The following TMPRSS9 variants were observed in gnomAD, a reference collection of about 807,000 sequenced individuals.
TMPRSS9 encodes the protein transmembrane protease serine 9.
TMPRSS9 carries 113 observed loss-of-function variants against 111.4 expected under a neutral mutation model. The ratio of observed to expected loss-of-function variants is 1.01; its 90% CI spans 0.87 to 1.19. TMPRSS9 has a LOEUF of 1.19. TMPRSS9 is among the 50% of genes most tolerant of loss of function. The pLI, the probability that TMPRSS9 is intolerant of heterozygous loss-of-function variation, is 0.00. For synonymous variants in TMPRSS9, 805 were observed against 659.1 expected, an observed-to-expected ratio of 1.22 and a Z score of -3.39; for missense variants, 1,803 against 1,513.1, an observed-to-expected ratio of 1.19 and a Z score of -3.18.
In TMPRSS9 at chr19:2,403,076, C is replaced by A. The variant is rs544979224; in HGVS notation, c.557-6C>A. The A allele has an allele frequency of 2.2e-5, 35 of 1,603,538 alleles. No homozygotes were observed. In the African/African-American group the frequency reaches 4.0e-4, roughly 18 times the overall value. On this transcript the variant is annotated splice_region_variant and splice_polypyrimidine_tract_variant and intron_variant, in intron 5 of 17. Transcript: ENST00000648592. Reference sequence around the variant, plus strand: ...GGTCAGAAAGTCGGTTCTTTTCTGTCCTCAGGCCGCTGTCCAGGGAACTCC... The same window carrying A: ...GGTCAGAAAGTCGGTTCTTTTCTGTACTCAGGCCGCTGTCCAGGGAACTCC...
chr19:2,382,045 T>C (rs895455158), intron 1 of TMPRSS9, among the ~76,000 whole-genome samples: 1 of 151,716 alleles, frequency 6.6e-6, no homozygotes, highest in Non-Finnish European at 1.5e-5. Context: ...TTTCACTATG[T>C]TGTCAGGCTG....
rs372121046 is a variant in TMPRSS9 at position 2,425,911 on chromosome 19, C to T, written c.3121-16C>T. On this transcript the variant is annotated splice_polypyrimidine_tract_variant and intron_variant, in intron 17 of 17. Transcript: ENST00000648592. ...AGGTACCGGCCTCTGAACCCCCTTT[C>T]TTCTCTCCCCAACAGGGTGACGCTG... The T allele has an allele frequency of 3.7e-5, 58 of 1,576,972 alleles. No individual in the cohort carries two copies. The highest frequency in any genetic ancestry group is 5.0e-5 in the Non-Finnish European group (58 of 1,167,530).
rs773806691 is a variant in TMPRSS9 at position 2,424,104 on chromosome 19, C to T, written c.2564C>T (p.Pro855Leu). ...TCCCCCGCAGACTGTGGCCTGGCGCCGGCCGCGCTCACCAGGATTGTGGGC... is the reference window on the plus strand; with the variant it reads ...TCCCCCGCAGACTGTGGCCTGGCGCTGGCCGCGCTCACCAGGATTGTGGGC... The change falls in exon 15 of 18, where the codon CCG (proline) becomes CTG (leucine). Residue 855 changes from proline to leucine, a missense_variant. Pro to Leu is a moderately conservative substitution (Grantham distance 98). Transcript: ENST00000648592. The T allele has an allele frequency of 3.0e-6, 4 of 1,315,684 alleles. No individual in the cohort carries two copies. The highest frequency in any genetic ancestry group is 2.0e-5 in the South Asian group (1 of 48,796). The allele number at this position is 1,315,684 out of a possible 1,614,324, so 81.5% of individuals were successfully genotyped here.
At chr19:2,425,723 C>T in intron 17 of TMPRSS9, 1 of 1,140,622 alleles carries the variant, frequency 8.8e-7, no homozygotes. Context: ...GCAGAGGCTG[C>T]AGTGGGAGGC....
Position 2,424,988 on chromosome 19 carries a change from C to T in TMPRSS9, c.2718-14C>T, listed in dbSNP as rs1356053708. 10 of 1,504,604 alleles carry T rather than the reference C, an allele frequency of 6.6e-6. No homozygotes were observed. Among genetic ancestry groups the T allele is most frequent in the Non-Finnish European group, 8.8e-6 (10 of 1,131,436 alleles). 93.2% of individuals were successfully genotyped at this position (1,504,604 alleles called of 1,614,324 possible). On this transcript the variant is annotated splice_polypyrimidine_tract_variant and intron_variant, in intron 15 of 17. Coordinates refer to ENST00000648592, the Ensembl canonical transcript of TMPRSS9. ...GGGGGCTCGGGCCGACGCCTGTCCT[C>T]GCGCGCCCCGCAGCTACGGGGACCC...
chr19:2,391,237 C>CAAAAAAAAAAAAAAAAA (rs10650164), intron 1 of TMPRSS9, among the ~76,000 whole-genome samples: 3 of 53,010 alleles, frequency 5.7e-5, no homozygotes, highest in African/African-American at 1.1e-4. Flanking sequence ...AATTCCATCT[C>CAAAAAAAAAAAAAAAAA]AAAAAAAAAA....
At chr19:2,410,469 C>T (rs1971072610) in intron 9 of TMPRSS9, 75 bp downstream of exon 10, 2 of 1,560,948 alleles carry the variant, frequency 1.3e-6, no homozygotes, top group Non-Finnish European at 1.7e-6. Context: ...GAGCAATTCA[C>T]AGATATCTGG....
chr19:2,424,973 G>A (rs1258892378), intron 15 of TMPRSS9, 29 bp from the exon 17 acceptor site: 4 of 1,474,708 alleles, frequency 2.7e-6, no homozygotes, highest in African/African-American at 1.5e-5. Flanking sequence ...GGGGGCTCGG[G>A]CCGACGCCTG....
At chr19:2,408,294 C>A in intron 7 of TMPRSS9, 62 bp from the exon 9 acceptor site, 1 of 1,559,172 alleles carries the variant, frequency 6.4e-7, no homozygotes, top group Non-Finnish European at 8.8e-7. Flanking sequence ...GCGAGTGTCC[C>A]GTCTGCCTCC....
chr19:2,377,896 G>T (rs1321343956), intron 1 of TMPRSS9, among the ~76,000 whole-genome samples: 1 of 147,860 alleles, frequency 6.8e-6, no homozygotes, highest in Non-Finnish European at 1.5e-5. Flanking sequence ...CAATTTTTTT[G>T]CAGAGACAGG....
chr19:2,401,011 A>T (rs1485713569), intron 4 of TMPRSS9, among the ~76,000 whole-genome samples: 1 of 148,512 alleles, frequency 6.7e-6, no homozygotes, highest in Non-Finnish European at 1.5e-5. Flanking sequence ...GCGGTGGCTT[A>T]CGCCTGTAAT....
rs1318203642 is a variant in TMPRSS9 at position 2,425,108 on chromosome 19, A to AATCT, written c.2825_2828dup (p.Tyr944SerfsTer100). 6.3e-7 allele frequency: 1 copy of AATCT among 1,584,028 alleles called. No homozygotes were observed. The highest frequency in any genetic ancestry group is 8.5e-7 in the Non-Finnish European group (1 of 1,171,968). On this transcript the variant is annotated frameshift_variant, in exon 16 of 18. Transcript: ENST00000648592. LOFTEE classifies it high-confidence loss of function. The stretch of plus-strand genomic sequence containing the variant: ...GCGCATCTACAAGCACCCGTTCTAC[A>AATCT]ATCTCTACACGCTCGACTACGACGT...
exon 11 of TMPRSS9, chr19:2,415,735 G>A (rs753324258): frequency 1.7e-5 from 28 of 1,609,896 alleles, no homozygotes; most frequent in African/African-American, 5.3e-5. Flanking sequence ...AGCTGCCTCC[G>A]GGGAGGTGCC....
intron 1 of TMPRSS9, among the ~76,000 whole-genome samples, chr19:2,377,906 G>C (rs562920755): frequency 6.7e-6 from 1 of 149,836 alleles, no homozygotes; most frequent in Non-Finnish European, 1.5e-5. Context: ...GCAGAGACAG[G>C]GTCTCCCTCT....
rs772769824 is a variant in TMPRSS9, at chr19:2,425,974, G to C, written c.3168G>C (p.Trp1056Cys). Reference sequence around the variant, plus strand: ...CCTGCAGGGAGCCCTCTGGACGGTGGGTGCTAACTGGGGTCACTAGCTGGG... The same window carrying C: ...CCTGCAGGGAGCCCTCTGGACGGTGCGTGCTAACTGGGGTCACTAGCTGGG... Residue 1056 changes from tryptophan (W) to cysteine (C), a missense_variant, in exon 18 of 18, where the codon TGG becomes TGC. Trp to Cys is a radical substitution (Grantham distance 215, BLOSUM62 -2). Coordinates refer to ENST00000648592, the Ensembl canonical transcript of TMPRSS9. 5.6e-6 allele frequency: 9 copies of C among 1,607,242 alleles called. No homozygotes were observed. The Admixed American group carries it at 1.6e-4, about 28-fold the overall frequency.
chr19:2,401,273 CAA>C (rs534945361), intron 4 of TMPRSS9, among the ~76,000 whole-genome samples: 2 of 145,222 alleles, frequency 1.4e-5, no homozygotes, highest in African/African-American at 5.0e-5. Flanking sequence ...GACTCCGTCT[CAA>C]AAAAAAAAAG....
chr19:2,408,205 A>G, intron 7 of TMPRSS9, 151 bp from the exon 9 acceptor site: 1 of 780,882 alleles, frequency 1.3e-6, no homozygotes, highest in South Asian at 1.9e-5. Context: ...GGCATGAGCC[A>G]CTGTGTCTGG....
intron 1 of TMPRSS9, among the ~76,000 whole-genome samples, chr19:2,371,209 G>A (rs1272244575): frequency 6.6e-6 from 1 of 152,188 alleles, no homozygotes; most frequent in Non-Finnish European, 1.5e-5. Context: ...CTCATCTGGA[G>A]GCTGGAAACA....
chr19:2,391,746 T>TTC (rs1970603079), intron 1 of TMPRSS9, among the ~76,000 whole-genome samples: 1 of 150,714 alleles, frequency 6.6e-6, no homozygotes, highest in East Asian at 1.9e-4. Flanking sequence ...AAGTCTTTTT[T>TTC]TTTTTTTTTG....
Sources: allele counts gnomAD v4.1 joint callset (sites outside exome capture counted in the v4.1 genomes callset), GRCh38; gene constraint gnomAD v4.1.1; transcripts MANE v1.5; gene names NCBI Gene and HGNC (gene_info 2026-07-23, HGNC 2026-07-21).